TASOR2: variants seen among roughly 807,000 people sequenced by gnomAD.
The protein encoded by TASOR2 is protein TASOR 2.
In TASOR2, 84 loss-of-function variants were observed where a neutral mutation model predicts 199.5. The observed-to-expected ratio is 0.42, with a 90% CI of 0.35 to 0.50. TASOR2 has a LOEUF of 0.50. Ranked by LOEUF, TASOR2 falls within the 20% of genes least tolerant of loss-of-function variation. The pLI, the probability that TASOR2 is intolerant of heterozygous loss-of-function variation, is 0.02. For synonymous variants in TASOR2, 1,103 were observed against 1,046.6 expected, an observed-to-expected ratio of 1.05 and a Z score of -1.04; for missense variants, 2,796 against 2,835.9, an observed-to-expected ratio of 0.99 and a Z score of 0.32.
intron 17 of TASOR2, among the ~76,000 whole-genome samples, chr10:5,758,084 G>T (rs1033553609): frequency 2.0e-5 from 3 of 151,980 alleles, no homozygotes; most frequent in Admixed American, 6.6e-5. Flanking sequence ...TCTAAAAAAT[G>T]GCTACTAAGT....
chr10:5,689,525 G>A lies in TASOR2; in HGVS notation c.-288+4350G>A, dbSNP rs868664890. ...TGAGGCAGAAGAATTGCTTGAACTCGGGAGGCAGAGGTTGCAGTGAGCAGA... is the reference window on the plus strand; with the variant it reads ...TGAGGCAGAAGAATTGCTTGAACTCAGGAGGCAGAGGTTGCAGTGAGCAGA... On this transcript the variant is annotated intron_variant, in intron 1 of 20. Transcript: ENST00000328090. The surrounding 1 kb of genome is among the most constrained non-coding windows in gnomAD (Gnocchi z 4.1). Among the ~76,000 whole-genome samples the A allele has an allele frequency of 4.6e-5, 7 of 151,920 alleles. No individual in the cohort carries two copies. Among genetic ancestry groups the A allele is most frequent in the South Asian group, 4.2e-4 (2 of 4,816 alleles).
At position 5,698,588 on chromosome 10, in the gene TASOR2, A is replaced by T. The variant is rs1014411163; in HGVS notation, c.-288+13413A>T. 2.6e-5 allele frequency among the ~76,000 whole-genome samples: 4 copies of T among 152,164 alleles called. No individual in the cohort carries two copies. The highest frequency in any genetic ancestry group is 9.7e-5 in the African/African-American group (4 of 41,448). Reference sequence around the variant, plus strand: ...AATAAAGTTATATGGGGACATGGTCATTCCTATTTATGCATTTTCTATGGC... The same window carrying T: ...AATAAAGTTATATGGGGACATGGTCTTTCCTATTTATGCATTTTCTATGGC... On this transcript the variant is annotated intron_variant, in intron 1 of 20. Coordinates refer to ENST00000328090, the Ensembl canonical transcript of TASOR2. The surrounding 1 kb of genome is among the most constrained non-coding windows in gnomAD (Gnocchi z 4.4).
At chr10:5,716,206 T>C (rs1832607303) in intron 2 of TASOR2, among the ~76,000 whole-genome samples, 1 of 152,200 alleles carries the variant, frequency 6.6e-6, no homozygotes, top group Non-Finnish European at 1.5e-5. Context: ...TTGACCAAAA[T>C]GTTATATTAT....
At position 5,748,653 on chromosome 10, in the gene TASOR2, A is replaced by G. The variant is rs2797492; in HGVS notation, c.5232A>G (p.Leu1744=). Reference sequence around the variant, plus strand: ...TGTCAACATGTGAAACAAAGGAGCTATTGAATGTCGGGGTTTCCTCCCTTT... The same window carrying G: ...TGTCAACATGTGAAACAAAGGAGCTGTTGAATGTCGGGGTTTCCTCCCTTT... Residue 1744 remains leucine, a synonymous_variant, in exon 15 of 21, where the codon CTA becomes CTG. Transcript: ENST00000328090. This position sits in a 1 kb window ranked among gnomAD's most constrained non-coding sequence, Gnocchi z 5.1. 0.042 allele frequency: 67,443 copies of G among 1,614,110 alleles called. 8,329 individuals carry two copies. The East Asian group carries it at 0.44, about 11-fold the overall frequency.
At chr10:5,692,041 G>A (rs1411643903) in intron 1 of TASOR2, among the ~76,000 whole-genome samples, 2 of 150,074 alleles carry the variant, frequency 1.3e-5, no homozygotes, top group Non-Finnish European at 2.9e-5. Context: ...TAGGCGTGGC[G>A]GCCCATACCT....
At chr10:5,695,297 C>T (rs539893842) in intron 1 of TASOR2, among the ~76,000 whole-genome samples, 41 of 152,270 alleles carry the variant, frequency 2.7e-4, no homozygotes, top group African/African-American at 9.1e-4. Context: ...AGAAACTACA[C>T]ATATGTAATT....
At position 5,720,797 on chromosome 10, in the gene TASOR2, T is replaced by C. The variant is rs1448210838; in HGVS notation, c.46+23T>C. ...ATGGTAAGAAATAGTTCATTGATTC[T>C]TTTAGGTTTTTTTTTTCTTGAGTAA... On this transcript the variant is annotated intron_variant, in intron 5 of 20. Transcript: ENST00000328090. The surrounding 1 kb of genome is among the most constrained non-coding windows in gnomAD (Gnocchi z 5.3). 3.1e-6 allele frequency: 5 copies of C among 1,601,512 alleles called. No individual in the cohort carries two copies. The Admixed American group carries it at 8.8e-5, about 28-fold the overall frequency.
At position 5,762,509 on chromosome 10, in the gene TASOR2, TTG is replaced by T. The variant is rs780399868; in HGVS notation, c.7175-21_7175-20del. The T allele has an allele frequency of 7.7e-4, 330 of 429,726 alleles. 15 individuals carry two copies. Among genetic ancestry groups the T allele is most frequent in the Admixed American group, 7.3e-3 (61 of 8,346 alleles). The allele number at this position is 429,726 out of a possible 1,614,324, so 26.6% of individuals were successfully genotyped here. A position where few individuals can be genotyped will look rare whatever the true frequency, so the allele number is the denominator to read the frequency against. On this transcript the variant is annotated intron_variant, in intron 19 of 20. Coordinates refer to ENST00000328090, the Ensembl canonical transcript of TASOR2. ...GTACATTAATTATATTAACCAAAAG[TTG>T]TTTTTTTTTTTTTTTAACAGACAAG...
chr10:5,735,650 T>G, intron 12 of TASOR2, 104 bp downstream of exon 13: 1 of 1,377,098 alleles, frequency 7.3e-7, no homozygotes, highest in Admixed American at 2.6e-5. Context: ...AATGTCCCAA[T>G]AATTTTTTCT....
Position 5,742,379 on chromosome 10 carries a change from T to C in TASOR2, c.2610T>C (p.Asp870=). 2 of 1,614,166 alleles carry C rather than the reference T, an allele frequency of 1.2e-6. No homozygotes were observed. Among genetic ancestry groups the C allele is most frequent in the Non-Finnish European group, 1.7e-6 (2 of 1,180,026 alleles). The change falls in exon 14 of 21, where the codon GAT becomes GAC. Residue 870 remains aspartate (D), a synonymous_variant. Transcript: ENST00000328090. The surrounding 1 kb of genome is among the most constrained non-coding windows in gnomAD (Gnocchi z 4.2). ...ATGCTGCTGAAGTATCCTTCCGTGA[T>C]CCTAACTGCTTGCTTCCTTTCATTA...
chr10:5,747,441 T>C (rs547681699), exon 15 of TASOR2: 36 of 1,614,176 alleles, frequency 2.2e-5, no homozygotes, highest in South Asian at 1.4e-4. Flanking sequence ...TGAGTTCTGC[T>C]GACAATGTGT....
In TASOR2 at chr10:5,762,517, T is replaced by C; in HGVS notation, c.7175-15T>C. On this transcript the variant is annotated splice_polypyrimidine_tract_variant and intron_variant, in intron 19 of 20. Transcript: ENST00000328090. Reference sequence around the variant, plus strand: ...ATTATATTAACCAAAAGTTGTTTTTTTTTTTTTTTAACAGACAAGCCTACT... The same window carrying C: ...ATTATATTAACCAAAAGTTGTTTTTCTTTTTTTTTAACAGACAAGCCTACT... 1 of 606,960 alleles carries C rather than the reference T, an allele frequency of 1.6e-6. No individual in the cohort carries two copies. Among genetic ancestry groups the C allele is most frequent in the Non-Finnish European group, 2.6e-6 (1 of 390,706 alleles). The allele number at this position is 606,960 out of a possible 1,614,324, so 37.6% of individuals were successfully genotyped here.
At chr10:5,761,298 C>T (rs1293193713) in exon 19 of TASOR2, 14 of 1,612,468 alleles carry the variant, frequency 8.7e-6, no homozygotes, top group East Asian at 2.2e-5. Flanking sequence ...AGAGTGGATT[C>T]AACTGCACAT....
chr10:5,684,862 G>A (rs1335620082), exon 1 of TASOR2: 2 of 397,220 alleles, frequency 5.0e-6, no homozygotes, highest in Non-Finnish European at 4.4e-6. Flanking sequence ...GCGCCGGTCA[G>A]AGAGAAAGTC....
chr10:5,709,102 A>G (rs1289214452), intron 1 of TASOR2, among the ~76,000 whole-genome samples: 3 of 152,216 alleles, frequency 2.0e-5, no homozygotes, highest in Non-Finnish European at 2.9e-5. Context: ...TGGATGCATA[A>G]TAGTCACCAC....
At chr10:5,736,671 C>T (rs1405399025) in intron 12 of TASOR2, among the ~76,000 whole-genome samples, 1 of 152,176 alleles carries the variant, frequency 6.6e-6, no homozygotes, top group African/African-American at 2.4e-5. Context: ...TTTGTATTTT[C>T]AACTGCTAGA....
chr10:5,720,999 A>T lies in TASOR2; in HGVS notation c.146+29A>T, dbSNP rs1309765414. On this transcript the variant is annotated intron_variant, in intron 6 of 20. Coordinates refer to ENST00000328090, the Ensembl canonical transcript of TASOR2. This position sits in a 1 kb window ranked among gnomAD's most constrained non-coding sequence, Gnocchi z 5.3. ...AGTATTAAATGTTATGTCCTTTACT[A>T]ATGCTTATATTACAAGTTTTGGGGT... is the stretch of plus-strand genomic sequence containing the variant. 1 of 1,546,466 alleles carries T rather than the reference A, an allele frequency of 6.5e-7. No homozygotes were observed. Among genetic ancestry groups the T allele is most frequent in the African/African-American group, 1.4e-5 (1 of 72,448 alleles).
intron 2 of TASOR2, 30 bp from the exon 4 acceptor site, chr10:5,717,629 C>G: frequency 3.0e-6 from 3 of 987,348 alleles, no homozygotes; most frequent in Non-Finnish European, 3.9e-6. Flanking sequence ...GGGCAATCTG[C>G]TGCTTAATCT....
At chr10:5,749,326 G>C in exon 15 of TASOR2, 1 of 1,614,196 alleles carries the variant, frequency 6.2e-7, no homozygotes, top group Non-Finnish European at 8.5e-7. Context: ...GGTGGCAGAC[G>C]ACCTCACCCA....
Sources: gnomAD v4.1 joint callset for allele counts (sites outside exome capture counted in the v4.1 genomes callset) on GRCh38, gnomAD v4.1.1 for gene constraint, Gnocchi (gnomAD v3.1) non-coding constraint, MANE v1.5 for transcripts, NCBI Gene and HGNC (gene_info 2026-07-23, HGNC 2026-07-21) for gene names.